The following HTT variants were observed in gnomAD, a reference collection of about 807,000 sequenced individuals.
HTT encodes huntington disease protein.
In HTT, 104 loss-of-function variants were observed where a neutral mutation model predicts 362.3. The ratio of observed to expected loss-of-function variants is 0.29; its 90% confidence interval spans 0.24 to 0.34. The LOEUF is 0.34. Ranked by LOEUF, HTT falls within the 10% of genes least tolerant of loss-of-function variation. The pLI is 1.00. For synonymous variants in HTT, 1,577 were observed against 1,548.7 expected (o/e 1.02, Z -0.43); for missense variants, 3,301 against 3,928.6 (o/e 0.84, Z 4.27).
In HTT at chr4:3,178,376, C is replaced by A. The variant is rs1367656214; in HGVS notation, c.4542C>A (p.Ile1514=). 2.5e-6 allele frequency: 4 copies of A among 1,612,580 alleles called. No individual in the cohort carries two copies. Among genetic ancestry groups the A allele is most frequent in the East Asian group, 2.2e-5 (1 of 44,880 alleles). Residue 1514 remains isoleucine (I), a synonymous_variant, in exon 35 of 67, where the codon ATC becomes ATA. Coordinates refer to ENST00000355072, the MANE Select transcript of HTT (RefSeq NM_001388492.1). The part of the protein sequence containing the change: ...LSYERYHSKQ[I]IGIPKIIQLC... Reference sequence around the variant, plus strand: ...ATGAACGCTATCATTCAAAACAGATCATTGGAATTCCTAAAATCATTCAGC... The same window carrying A: ...ATGAACGCTATCATTCAAAACAGATAATTGGAATTCCTAAAATCATTCAGC...
chr4:3,134,706 T>C (rs1715979382), intron 19 of HTT, among the ~76,000 whole-genome samples, 166 bp downstream of exon 19: 1 of 152,210 alleles, frequency 6.6e-6, no homozygotes, highest in South Asian at 2.1e-4. Context: ...TGCTGAACTT[T>C]GCCCTATGCT....
intron 2 of HTT, among the ~76,000 whole-genome samples, chr4:3,089,867 C>G (rs866774596): frequency 6.6e-6 from 1 of 152,130 alleles, no homozygotes; most frequent in East Asian, 1.9e-4. Flanking sequence ...ATGGTTTTCA[C>G]ATTAGTCTGT....
chr4:3,184,649 A>T (rs1428119959), intron 37 of HTT, among the ~76,000 whole-genome samples: 1 of 152,082 alleles, frequency 6.6e-6, no homozygotes, highest in East Asian at 1.9e-4. Context: ...GGTAGGGCAG[A>T]CATTGGGGGC....
At chr4:3,101,917 T>C (rs544825409) in intron 3 of HTT, among the ~76,000 whole-genome samples, 22 of 152,292 alleles carry the variant, frequency 1.4e-4, no homozygotes, top group Admixed American at 3.9e-4. Flanking sequence ...GGAGACCTTC[T>C]TAATCATCAC....
At chr4:3,201,080 GT>G (rs1015364743) in intron 41 of HTT, among the ~76,000 whole-genome samples, 1 of 152,228 alleles carries the variant, frequency 6.6e-6, no homozygotes, top group African/African-American at 2.4e-5. Flanking sequence ...GGTAAATTTA[GT>G]TTGGAATTCA....
At position 3,160,874 on chromosome 4, in the gene HTT, A is replaced by T. The variant is rs950105912; in HGVS notation, c.3864+482A>T. 2.6e-5 allele frequency among the ~76,000 whole-genome samples: 4 copies of T among 151,148 alleles called. No individual in the cohort carries two copies. In the South Asian group the frequency reaches 8.3e-4, roughly 32 times the overall value. On this transcript the variant is annotated intron_variant, in intron 29 of 66. Coordinates refer to ENST00000355072, the MANE Select transcript of HTT (RefSeq NM_001388492.1). ...AGAGCCTGAGTTAAAAGTCTCGTAG[A>T]TTTTCTTTTTCTTTTTTTTGGTGGC... is the stretch of plus-strand genomic sequence containing the variant.
chr4:3,179,175 G>A (rs1718380627), intron 35 of HTT, among the ~76,000 whole-genome samples: 1 of 152,214 alleles, frequency 6.6e-6, no homozygotes, highest in Non-Finnish European at 1.5e-5. Context: ...CAGCGTGTGT[G>A]CAGAAGAGCA....
At chr4:3,151,101 A>G (rs915157185) in intron 26 of HTT, among the ~76,000 whole-genome samples, 1 of 151,758 alleles carries the variant, frequency 6.6e-6, no homozygotes, top group Non-Finnish European at 1.5e-5. Context: ...AGCAAGCATT[A>G]CCATCTGAGC....
At chr4:3,083,137 G>A (rs1382229244) in intron 1 of HTT, among the ~76,000 whole-genome samples, 1 of 152,188 alleles carries the variant, frequency 6.6e-6, no homozygotes, top group Admixed American at 6.5e-5. Context: ...ATAAGGATGA[G>A]GCTGCGAGAG....
At chr4:3,159,552 T>C (rs895656964) in intron 28 of HTT, among the ~76,000 whole-genome samples, 1 of 152,252 alleles carries the variant, frequency 6.6e-6, no homozygotes, top group Non-Finnish European at 1.5e-5. Context: ...AGCGTAGTCA[T>C]GGTATTTAGA....
At position 3,151,584 on chromosome 4, in the gene HTT, A is replaced by G. The variant is rs112990749; in HGVS notation, c.3499-2709A>G. ...TTGGGTGGGGACACAGAGCCAAACC[A>G]TATCAGAGCATGAACCCTATTGTGA... On this transcript the variant is annotated intron_variant, in intron 26 of 66. Coordinates refer to ENST00000355072, the MANE Select transcript of HTT (RefSeq NM_001388492.1). Among the ~76,000 whole-genome samples the G allele has an allele frequency of 3.1e-3, 472 of 152,274 alleles. 4 individuals carry two copies. Among genetic ancestry groups the G allele is most frequent in the African/African-American group, 0.011 (459 of 41,556 alleles).
chr4:3,178,061 CT>C (rs1718316297), intron 34 of HTT, among the ~76,000 whole-genome samples: 1 of 152,190 alleles, frequency 6.6e-6, no homozygotes, highest in Non-Finnish European at 1.5e-5. Context: ...TGCTGTGCCC[CT>C]GTGCCGTCGG....
At chr4:3,190,164 C>G (rs910528780) in intron 40 of HTT, among the ~76,000 whole-genome samples, 1 of 151,870 alleles carries the variant, frequency 6.6e-6, no homozygotes, top group African/African-American at 2.4e-5. Flanking sequence ...AGCAACATAT[C>G]GAGACCCCTA....
At position 3,199,901 on chromosome 4, in the gene HTT, C is replaced by G; in HGVS notation, c.5538C>G (p.Thr1846=). ...AGATACTGCTGCTTGTCAACCACAC[C>G]GACTACCGCTGGTGGGCAGAAGTGC... ...WCQILLLVNH[T]DYRWWAEVQQ... is the part of the protein sequence containing the mutation. Residue 1846 remains threonine (T), a synonymous_variant, in exon 41 of 67, where the codon ACC becomes ACG. Transcript: ENST00000355072. 1 of 1,614,068 alleles carries G rather than the reference C, an allele frequency of 6.2e-7. No homozygotes were observed. The highest frequency in any genetic ancestry group is 8.5e-7 in the Non-Finnish European group (1 of 1,179,990).
chr4:3,239,807 C>G (rs1721721388), intron 66 of HTT, 39 bp from the exon 67 acceptor site: 17 of 1,436,566 alleles, frequency 1.2e-5, no homozygotes, highest in South Asian at 2.4e-5. Context: ...GGCAGCATTC[C>G]CCTCATTTGC....
chr4:3,082,744 G>C (rs770783156), intron 1 of HTT, among the ~76,000 whole-genome samples: 3 of 152,160 alleles, frequency 2.0e-5, no homozygotes, highest in Non-Finnish European at 4.4e-5. Flanking sequence ...GCTCATATGT[G>C]TCCAGGTGTA....
intron 29 of HTT, among the ~76,000 whole-genome samples, chr4:3,170,847 C>G (rs1230606901): frequency 6.6e-6 from 1 of 152,144 alleles, no homozygotes; most frequent in Admixed American, 6.5e-5. Context: ...TTGTCTCAGG[C>G]AGGAGGGTAA....
At position 3,132,596 on chromosome 4, in the gene HTT, C is replaced by T. The variant is rs554758989; in HGVS notation, c.2271C>T (p.Ile757=). The change falls in exon 17 of 67, where the codon ATC becomes ATT. Residue 757 remains isoleucine (I), a synonymous_variant. Transcript: ENST00000355072. Reference sequence around the variant, plus strand: ...ATGTCTCAGACATCTTGAACTACATCGATCATGGAGACCCACAGGTTCGAG... The same window carrying T: ...ATGTCTCAGACATCTTGAACTACATTGATCATGGAGACCCACAGGTTCGAG... ...EQYVSDILNY[I]DHGDPQVRGA... is the part of the protein sequence containing the mutation. 54 of 1,613,984 alleles carry T rather than the reference C, an allele frequency of 3.3e-5. No individual in the cohort carries two copies. The highest frequency in any genetic ancestry group is 6.7e-5 in the African/African-American group (5 of 75,022).
Position 3,206,831 on chromosome 4 carries a change from C to T in HTT, c.5923C>T (p.Gln1975Ter). 1 of 1,605,070 alleles carries T rather than the reference C, an allele frequency of 6.2e-7. No homozygotes were observed. The highest frequency in any genetic ancestry group is 8.5e-7 in the Non-Finnish European group (1 of 1,174,484). The change falls in exon 44 of 67, where the codon CAG (glutamine) becomes TAG (stop). Residue 1975 changes from glutamine (Q) to a stop codon, truncating the protein, a stop_gained. Transcript: ENST00000355072. LOFTEE classifies it high-confidence loss of function. This position sits in a 1 kb window ranked among gnomAD's most constrained non-coding sequence, Gnocchi z 4.6. ...STPTMLKKTL[Q>*]CLEGIHLSQS... Reference sequence around the variant, plus strand: ...GCCAACCATGCTGAAGAAAACTCTTCAGTGCTTGGAGGGGATCCATCTCAG... The same window carrying T: ...GCCAACCATGCTGAAGAAAACTCTTTAGTGCTTGGAGGGGATCCATCTCAG...
Sources: gnomAD v4.1 joint callset for allele counts (sites outside exome capture counted in the v4.1 genomes callset) on GRCh38, gnomAD v4.1.1 for gene constraint, Gnocchi (gnomAD v3.1) non-coding constraint, MANE v1.5 for transcripts, NCBI Gene and HGNC (gene_info 2026-07-23, HGNC 2026-07-21) for gene names.